PDGFD: variants seen among roughly 807,000 people sequenced by gnomAD.
PDGFD encodes the protein platelet-derived growth factor D.
In PDGFD, 30 loss-of-function variants were observed where a neutral mutation model predicts 44.7. The ratio of observed to expected loss-of-function variants is 0.67; its 90% confidence interval spans 0.50 to 0.91. PDGFD has a LOEUF of 0.91. Ranked by LOEUF, PDGFD falls within the 40% of genes least tolerant of loss-of-function variation. PDGFD has a pLI of 0.00. For synonymous variants in PDGFD, 173 were observed against 168.4 expected (o/e 1.03, Z -0.21); for missense variants, 445 against 457.8 (o/e 0.97, Z 0.25).
intron 1 of PDGFD, among the ~76,000 whole-genome samples, chr11:104,111,606 T>G (rs947133352): frequency 6.6e-6 from 1 of 152,218 alleles, no homozygotes; most frequent in South Asian, 2.1e-4. Flanking sequence ...TCTATACCAT[T>G]TTAGGTTCTG....
At chr11:104,006,448 C>T (rs1415476977) in intron 1 of PDGFD, among the ~76,000 whole-genome samples, 1 of 152,170 alleles carries the variant, frequency 6.6e-6, no homozygotes. Context: ...TTGATATGGA[C>T]AGGAGTCAGA....
At chr11:104,037,404 G>A (rs776721721) in intron 1 of PDGFD, 18 of 1,614,014 alleles carry the variant, frequency 1.1e-5, no homozygotes, top group Admixed American at 3.3e-5. Context: ...CCTTGAGAGA[G>A]CAAGAGAGGC....
chr11:104,054,432 A>G (rs1323618741), intron 1 of PDGFD, among the ~76,000 whole-genome samples: 1 of 152,216 alleles, frequency 6.6e-6, no homozygotes, highest in African/African-American at 2.4e-5. Flanking sequence ...AGGCAACCTC[A>G]ATAAGAAAAT....
chr11:103,955,269 T>C (rs1858825477), intron 3 of PDGFD, among the ~76,000 whole-genome samples: 1 of 149,726 alleles, frequency 6.7e-6, no homozygotes, highest in African/African-American at 2.5e-5. Flanking sequence ...AGTTTGTTCA[T>C]GACACTCTGC....
At position 104,163,800 on chromosome 11, in the gene PDGFD, T is replaced by C. The variant is rs753166686; in HGVS notation, c.124+4A>G. 2 of 1,529,488 alleles carry C rather than the reference T, an allele frequency of 1.3e-6. No individual in the cohort carries two copies. The allele number at this position is 1,529,488 out of a possible 1,614,324, so 94.7% of individuals were successfully genotyped here. A position where few individuals can be genotyped will look rare whatever the true frequency, so the allele number is the denominator to read the frequency against. ...TCAGTTAAAAAATAAAATGAGTCTCTTACCATCTCGCCTGAGGTTGGCGTT... is the reference window on the plus strand; with the variant it reads ...TCAGTTAAAAAATAAAATGAGTCTCCTACCATCTCGCCTGAGGTTGGCGTT... On this transcript the variant is annotated splice_donor_region_variant and intron_variant, in intron 1 of 6. Coordinates refer to ENST00000393158, the MANE Select transcript of PDGFD (RefSeq NM_025208.5).
intron 3 of PDGFD, among the ~76,000 whole-genome samples, chr11:103,978,652 T>C (rs909302963): frequency 6.6e-6 from 1 of 152,074 alleles, no homozygotes; most frequent in Non-Finnish European, 1.5e-5. Flanking sequence ...CATTTAATCC[T>C]ATGGCATGCT....
intron 4 of PDGFD, among the ~76,000 whole-genome samples, chr11:103,946,884 G>A (rs1439149611): frequency 6.6e-6 from 1 of 152,108 alleles, no homozygotes; most frequent in Non-Finnish European, 1.5e-5. Context: ...ATCCTCCAGA[G>A]AGCAAAAGAT....
chr11:103,998,059 G>A (rs1343341970), intron 2 of PDGFD, among the ~76,000 whole-genome samples: 1 of 152,128 alleles, frequency 6.6e-6, no homozygotes, highest in African/African-American at 2.4e-5. Context: ...CAAAACTCCA[G>A]CTCAGTAGTG....
intron 6 of PDGFD, among the ~76,000 whole-genome samples, chr11:103,916,228 C>A (rs1858123088): frequency 6.6e-6 from 1 of 152,118 alleles, no homozygotes; most frequent in African/African-American, 2.4e-5. Flanking sequence ...CTACGAAGAA[C>A]TTAAACAAAT....
At chr11:103,911,653 T>G (rs11226060) in intron 6 of PDGFD, among the ~76,000 whole-genome samples, 59,885 of 151,566 alleles carry the variant, frequency 0.4, 12,038 homozygotes, top group African/African-American at 0.45. Context: ...GAAGTAGGCT[T>G]CAGAAGGTGG....
chr11:104,136,602 C>T (rs576122465), intron 1 of PDGFD, among the ~76,000 whole-genome samples: 13 of 152,272 alleles, frequency 8.5e-5, no homozygotes, highest in African/African-American at 2.4e-4. Flanking sequence ...ACTATACGCA[C>T]GTATTGCTCT....
intron 1 of PDGFD, among the ~76,000 whole-genome samples, chr11:104,017,469 A>T (rs1235529204): frequency 1.3e-5 from 2 of 152,124 alleles, no homozygotes; most frequent in Non-Finnish European, 2.9e-5. Context: ...GTCTCTATCT[A>T]CTTTCTCCAG....
At chr11:104,071,529 T>C (rs1367317356) in intron 1 of PDGFD, among the ~76,000 whole-genome samples, 6 of 151,764 alleles carry the variant, frequency 4.0e-5, no homozygotes, top group Non-Finnish European at 8.9e-5. Flanking sequence ...TTTTAAACAT[T>C]CTTCATATGT....
intron 1 of PDGFD, among the ~76,000 whole-genome samples, chr11:104,013,806 A>T (rs754020129): frequency 6.6e-6 from 1 of 151,854 alleles, no homozygotes; most frequent in African/African-American, 2.4e-5. Flanking sequence ...AATCATTGCA[A>T]TTGTGGCAAA....
intron 3 of PDGFD, among the ~76,000 whole-genome samples, chr11:103,983,078 C>A (rs752796545): frequency 2.6e-5 from 4 of 151,742 alleles, no homozygotes; most frequent in Non-Finnish European, 4.4e-5. Flanking sequence ...TTTTAAAATT[C>A]ACGTGGAATC....
In PDGFD at chr11:103,962,757, T is replaced by C. The variant is rs988572431; in HGVS notation, c.511-15033A>G. Among the ~76,000 whole-genome samples the C allele has an allele frequency of 3.3e-5, 5 of 152,166 alleles. No individual in the cohort carries two copies. The South Asian group carries it at 6.2e-4, about 19-fold the overall frequency. ...ATGCTTTAGATTCCTGATTGTAAACTGGGAAAAATATCTTCTTTCCTCCAT... is the reference window on the plus strand; with the variant it reads ...ATGCTTTAGATTCCTGATTGTAAACCGGGAAAAATATCTTCTTTCCTCCAT... On this transcript the variant is annotated intron_variant, in intron 3 of 6. Transcript: ENST00000393158.
chr11:104,073,121 T>C (rs932685292), intron 1 of PDGFD, among the ~76,000 whole-genome samples: 1 of 152,118 alleles, frequency 6.6e-6, no homozygotes, highest in Admixed American at 6.5e-5. Flanking sequence ...GATTATCTTA[T>C]AATCCAGGAT....
intron 1 of PDGFD, among the ~76,000 whole-genome samples, chr11:104,009,606 G>C (rs1032519678): frequency 1.3e-5 from 2 of 152,040 alleles, no homozygotes; most frequent in Non-Finnish European, 2.9e-5. Context: ...GAAAGAGATG[G>C]AAGATAGAAA....
chr11:104,050,733 G>A (rs771313686), intron 1 of PDGFD, among the ~76,000 whole-genome samples: 8 of 152,076 alleles, frequency 5.3e-5, no homozygotes, highest in Non-Finnish European at 1.2e-4. Flanking sequence ...TTTAGTGTAC[G>A]GAAGGGTCTT....
Sources: allele counts gnomAD v4.1 joint callset (sites outside exome capture counted in the v4.1 genomes callset), GRCh38; gene constraint gnomAD v4.1.1; transcripts MANE v1.5; gene names NCBI Gene and HGNC (gene_info 2026-07-23, HGNC 2026-07-21).